Variants in PLPPR1 observed in about 807,000 individuals in gnomAD.
PLPPR1 encodes phospholipid phosphatase related 1.
Under a neutral mutation model 33.1 loss-of-function variants are expected in PLPPR1, and 10 were observed. The ratio of observed to expected loss-of-function variants is 0.30; its 90% confidence interval spans 0.19 to 0.51. The LOEUF (loss-of-function observed/expected upper bound fraction) is 0.51. Ranked by LOEUF, PLPPR1 falls within the 20% of genes least tolerant of loss-of-function variation. PLPPR1 has a pLI of 0.97. For synonymous variants in PLPPR1, 151 were observed against 151.0 expected (o/e 1.00, Z 0.00); for missense variants, 304 against 408.1 (o/e 0.74, Z 2.20).
chr9:101,038,147 G>A lies in PLPPR1; in HGVS notation c.-46+9045G>A, dbSNP rs545796590. On this transcript the variant is annotated intron_variant, in intron 1 of 7. Coordinates refer to ENST00000374874, the MANE Select transcript of PLPPR1 (RefSeq NM_207299.2). ...ACATTTATTATTTTTATAAAGGTAG[G>A]ATTAACTTTACATATTATTTTACTA... Among the ~76,000 whole-genome samples, 348 of 152,020 alleles carry A rather than the reference G, an allele frequency of 2.3e-3. 1 individual carries two copies. The highest frequency in any genetic ancestry group is 7.8e-3 in the African/African-American group (325 of 41,462).
intron 1 of PLPPR1, among the ~76,000 whole-genome samples, chr9:101,138,277 A>G (rs912366397): frequency 6.6e-6 from 1 of 152,170 alleles, no homozygotes; most frequent in Non-Finnish European, 1.5e-5. Flanking sequence ...ATCATAACTC[A>G]CTGGCTTGTT....
intron 2 of PLPPR1, among the ~76,000 whole-genome samples, chr9:101,240,341 C>G (rs1284760854): frequency 6.6e-6 from 1 of 151,500 alleles, no homozygotes; most frequent in Non-Finnish European, 1.5e-5. Context: ...ATGTCTCCAG[C>G]TTTGTTATTT....
At chr9:101,290,316 G>A (rs1828472637) in intron 4 of PLPPR1, among the ~76,000 whole-genome samples, 1 of 152,084 alleles carries the variant, frequency 6.6e-6, no homozygotes, top group South Asian at 2.1e-4. Context: ...TAATGAACCT[G>A]AAATGGCATG....
chr9:101,226,262 T>C (rs948786620), intron 2 of PLPPR1, among the ~76,000 whole-genome samples: 2 of 152,112 alleles, frequency 1.3e-5, no homozygotes, highest in Admixed American at 6.6e-5. Flanking sequence ...TGTGTGTTGA[T>C]TCCCCTCCCC....
At position 101,037,882 on chromosome 9, in the gene PLPPR1, A is replaced by G. The variant is rs1051236870; in HGVS notation, c.-46+8780A>G. Among the ~76,000 whole-genome samples the G allele has an allele frequency of 8.3e-4, 119 of 142,876 alleles. 2 individuals carry two copies. Among genetic ancestry groups the G allele is most frequent in the Admixed American group, 2.2e-3 (30 of 13,512 alleles). The allele number at this position is 142,876 out of a possible 152,430, so 93.7% of individuals were successfully genotyped here. A position where few individuals can be genotyped will look rare whatever the true frequency, so the allele number is the denominator to read the frequency against. On this transcript the variant is annotated intron_variant, in intron 1 of 7. Transcript: ENST00000374874. ...TTTTTTTTTTTTTGCATGGATTGAC[A>G]TGTAATATGTGACACAGACAGTTCC...
intron 1 of PLPPR1, among the ~76,000 whole-genome samples, chr9:101,128,922 T>C (rs572569402): frequency 6.6e-6 from 1 of 152,330 alleles, no homozygotes; most frequent in East Asian, 1.9e-4. Context: ...GGTACAAAGC[T>C]GATCTATTCT....
intron 4 of PLPPR1, among the ~76,000 whole-genome samples, chr9:101,294,743 A>C (rs1392767121): frequency 1.3e-5 from 2 of 152,122 alleles, no homozygotes; most frequent in East Asian, 3.9e-4. Context: ...CCTTTGACAA[A>C]ATTCAACAAC....
chr9:101,076,999 C>A (rs10989381), intron 1 of PLPPR1, among the ~76,000 whole-genome samples: 3,842 of 152,246 alleles, frequency 0.025, 82 homozygotes, highest in East Asian at 0.081. Flanking sequence ...CACAGGTAGA[C>A]CTGTGCCACC....
In PLPPR1 at chr9:101,062,363, T is replaced by C. The variant is rs139371995; in HGVS notation, c.-46+33261T>C. On this transcript the variant is annotated intron_variant, in intron 1 of 7. Transcript: ENST00000374874. ...TCTTTTCAAATAATAATTGTGCAAA[T>C]GGGGCTCATTGATTGCCTGGATTTT... Among the ~76,000 whole-genome samples the C allele has an allele frequency of 1.0e-3, 156 of 152,224 alleles. 2 individuals carry two copies. In the East Asian group the frequency reaches 0.028, roughly 27 times the overall value.
intron 2 of PLPPR1, among the ~76,000 whole-genome samples, chr9:101,235,762 C>T (rs545075537): frequency 3.3e-5 from 5 of 151,740 alleles, no homozygotes; most frequent in Non-Finnish European, 7.4e-5. Flanking sequence ...CTTACAGGCA[C>T]AGTATTCACC....
At chr9:101,101,535 A>AAAAG (rs1554726036) in intron 1 of PLPPR1, among the ~76,000 whole-genome samples, 1 of 150,056 alleles carries the variant, frequency 6.7e-6, no homozygotes. Flanking sequence ...AAAAAAAAAA[A>AAAAG]GAAACAATAA....
intron 1 of PLPPR1, among the ~76,000 whole-genome samples, chr9:101,182,486 C>T (rs917636003): frequency 1.3e-5 from 2 of 151,692 alleles, no homozygotes; most frequent in Non-Finnish European, 3.0e-5. Flanking sequence ...CATTATACCT[C>T]ATAAATATAT....
chr9:101,240,389 G>A (rs1827437445), intron 2 of PLPPR1, among the ~76,000 whole-genome samples: 1 of 148,976 alleles, frequency 6.7e-6, no homozygotes, highest in South Asian at 2.1e-4. Flanking sequence ...GGTCTTTTGT[G>A]GTTCCATACA....
At chr9:101,136,043 G>A (rs762934087) in intron 1 of PLPPR1, among the ~76,000 whole-genome samples, 2 of 152,196 alleles carry the variant, frequency 1.3e-5, no homozygotes, top group African/African-American at 2.4e-5. Context: ...TCTCTGATAC[G>A]TTTTTCCCCC....
chr9:101,175,320 A>G (rs1826002293), intron 1 of PLPPR1, among the ~76,000 whole-genome samples: 1 of 152,192 alleles, frequency 6.6e-6, no homozygotes, highest in Non-Finnish European at 1.5e-5. Flanking sequence ...GTATTTTACA[A>G]TTGAATTGGC....
chr9:101,248,018 A>C (rs1054993978), intron 2 of PLPPR1, among the ~76,000 whole-genome samples: 43 of 152,068 alleles, frequency 2.8e-4, no homozygotes, highest in African/African-American at 1.0e-3. Flanking sequence ...GTGAGCTCAT[A>C]TAGCAATACT....
At chr9:101,098,350 G>A (rs867103664) in intron 1 of PLPPR1, among the ~76,000 whole-genome samples, 2 of 152,106 alleles carry the variant, frequency 1.3e-5, no homozygotes, top group Non-Finnish European at 2.9e-5. Flanking sequence ...AGGATGCACA[G>A]GGAGGGATGA....
intron 1 of PLPPR1, among the ~76,000 whole-genome samples, chr9:101,164,026 A>T (rs1825812388): frequency 6.6e-6 from 1 of 152,220 alleles, no homozygotes; most frequent in African/African-American, 2.4e-5. Context: ...TGCTTATTTT[A>T]TGCTAAAATG....
intron 2 of PLPPR1, among the ~76,000 whole-genome samples, chr9:101,223,503 T>C (rs893076155): frequency 3.5e-4 from 54 of 152,300 alleles, no homozygotes; most frequent in African/African-American, 1.3e-3. Flanking sequence ...TTAGGCTTTG[T>C]GTCCCCACCC....
Sources: allele counts gnomAD v4.1 joint callset (sites outside exome capture counted in the v4.1 genomes callset), GRCh38; gene constraint gnomAD v4.1.1; transcripts MANE v1.5; gene names NCBI Gene and HGNC (gene_info 2026-07-23, HGNC 2026-07-21).